The following SHANK2 variants were observed in gnomAD, a reference collection of about 807,000 sequenced individuals.
SHANK2 encodes SH3 and multiple ankyrin repeat domains 2.
A neutral mutation model predicts 133.7 loss-of-function variants in SHANK2; 43 were observed. The ratio of observed to expected loss-of-function variants is 0.32; its 90% confidence interval spans 0.25 to 0.41. The LOEUF (loss-of-function observed/expected upper bound fraction) is 0.41. Among genes scored for constraint, SHANK2 ranks in the 10% least tolerant of loss-of-function variants. SHANK2 has a pLI of 1.00. For missense variants in SHANK2, 1,994 were observed against 2,235.8 expected, an observed-to-expected ratio of 0.89 and a Z score of 2.18; for synonymous variants, 1,017 against 952.8, an observed-to-expected ratio of 1.07 and a Z score of -1.24.
At chr11:70,737,047 C>T (rs1451146659) in intron 14 of SHANK2, among the ~76,000 whole-genome samples, 3 of 152,124 alleles carry the variant, frequency 2.0e-5, no homozygotes, top group East Asian at 1.9e-4. Flanking sequence ...CTCCTTCACC[C>T]GCGGCCAAAG....
intron 11 of SHANK2, among the ~76,000 whole-genome samples, chr11:70,870,029 C>T (rs1356671225): frequency 3.9e-5 from 6 of 152,124 alleles, no homozygotes; most frequent in African/African-American, 1.4e-4. Context: ...TGGGTCATTG[C>T]CTCCTTGCAG....
intron 17 of SHANK2, among the ~76,000 whole-genome samples, chr11:70,641,444 G>A (rs1384289921): frequency 1.3e-5 from 2 of 152,194 alleles, no homozygotes; most frequent in African/African-American, 4.8e-5. Flanking sequence ...TCCAGTACAA[G>A]GCATTGTGAG....
At chr11:70,595,536 G>A (rs1281248971) in intron 17 of SHANK2, among the ~76,000 whole-genome samples, 10 of 152,162 alleles carry the variant, frequency 6.6e-5, no homozygotes, top group African/African-American at 2.4e-4. Flanking sequence ...AGGCGACGGT[G>A]AACTGTGGCC....
At chr11:70,720,203 A>G (rs1946045674) in intron 14 of SHANK2, among the ~76,000 whole-genome samples, 1 of 152,176 alleles carries the variant, frequency 6.6e-6, no homozygotes, top group South Asian at 2.1e-4. Flanking sequence ...AACACCGACT[A>G]CCTGCACACA....
chr11:70,713,248 T>C (rs1190368934), intron 14 of SHANK2, among the ~76,000 whole-genome samples: 1 of 152,174 alleles, frequency 6.6e-6, no homozygotes, highest in Admixed American at 6.5e-5. Context: ...CATCCTCCAA[T>C]AAACAGAAAT....
intron 3 of SHANK2, among the ~76,000 whole-genome samples, chr11:71,138,926 G>C (rs1952500041): frequency 6.6e-6 from 1 of 152,174 alleles, no homozygotes; most frequent in Middle Eastern, 3.2e-3. Flanking sequence ...CAGCGGGAAT[G>C]AGAGGGCAGG....
intron 17 of SHANK2, among the ~76,000 whole-genome samples, chr11:70,601,797 A>G (rs1385680571): frequency 6.6e-6 from 1 of 152,232 alleles, no homozygotes; most frequent in Non-Finnish European, 1.5e-5. Flanking sequence ...GTCCATTAGT[A>G]ATCAGGAAAC....
intron 11 of SHANK2, among the ~76,000 whole-genome samples, chr11:70,860,948 C>T (rs1033727675): frequency 7.2e-5 from 11 of 152,140 alleles, no homozygotes; most frequent in Non-Finnish European, 1.2e-4. Flanking sequence ...CTGCAGGAGC[C>T]GCGTGCATCT....
chr11:70,777,683 C>A (rs1350546143), intron 14 of SHANK2, among the ~76,000 whole-genome samples: 1 of 152,246 alleles, frequency 6.6e-6, no homozygotes, highest in Non-Finnish European at 1.5e-5. Flanking sequence ...ATTGACCCCA[C>A]AAACAGGCGT....
chr11:70,928,665 AG>A (rs1256114661), intron 10 of SHANK2, among the ~76,000 whole-genome samples: 3 of 152,048 alleles, frequency 2.0e-5, no homozygotes, highest in Non-Finnish European at 4.4e-5. Flanking sequence ...AGGAAGAACC[AG>A]CCCCTCCAAT....
chr11:70,784,697 G>C (rs12294881), intron 14 of SHANK2, among the ~76,000 whole-genome samples: 1 of 152,182 alleles, frequency 6.6e-6, no homozygotes, highest in African/African-American at 2.4e-5. Flanking sequence ...CATGGGCTGA[G>C]CTCTGTCTGC....
At chr11:70,672,066 CTT>C (rs1323179481) in intron 15 of SHANK2, among the ~76,000 whole-genome samples, 26 of 54,566 alleles carry the variant, frequency 4.8e-4, no homozygotes, top group African/African-American at 7.9e-4. Flanking sequence ...TTTTCTTTTT[CTT>C]TTTTTTTTTT....
intron 6 of SHANK2, 30 bp from the exon 7 acceptor site, chr11:71,094,718 A>G (rs1400644026): frequency 1.9e-6 from 3 of 1,544,996 alleles, no homozygotes; most frequent in Non-Finnish European, 2.6e-6. Context: ...ACACTTTAGA[A>G]CCAACATTTG....
chr11:71,105,598 A>C (rs1248307382), intron 6 of SHANK2, among the ~76,000 whole-genome samples: 1 of 150,838 alleles, frequency 6.6e-6, no homozygotes, highest in Non-Finnish European at 1.5e-5. Flanking sequence ...TCTAAAAAAA[A>C]AAAAAAAAAA....
chr11:71,134,066 T>C (rs760742560), intron 3 of SHANK2, among the ~76,000 whole-genome samples: 22 of 151,830 alleles, frequency 1.4e-4, no homozygotes, highest in Non-Finnish European at 2.1e-4. Context: ...TTTACCTTTC[T>C]CGGTGGACTG....
chr11:70,901,445 G>A (rs959470343), intron 10 of SHANK2, among the ~76,000 whole-genome samples: 3 of 152,202 alleles, frequency 2.0e-5, no homozygotes, highest in Admixed American at 6.5e-5. Flanking sequence ...CTGTAAGAAC[G>A]GACGCTGCTT....
intron 17 of SHANK2, among the ~76,000 whole-genome samples, chr11:70,637,877 G>A (rs574761897): frequency 6.6e-6 from 1 of 152,336 alleles, no homozygotes; most frequent in Non-Finnish European, 1.5e-5. Context: ...CGGGGCTGGA[G>A]CCCTGTTTGG....
At chr11:70,713,123 C>T (rs546834524) in intron 14 of SHANK2, among the ~76,000 whole-genome samples, 11 of 152,334 alleles carry the variant, frequency 7.2e-5, no homozygotes, top group Admixed American at 1.3e-4. Context: ...GGCACCAGCC[C>T]TGTCGGGCAC....
intron 1 of SHANK2, among the ~76,000 whole-genome samples, chr11:71,247,563 G>A (rs2919719): frequency 0.098 from 14,876 of 151,244 alleles, 2,056 homozygotes; most frequent in African/African-American, 0.31. Flanking sequence ...GGCCATGGCA[G>A]AGCTGCAGTG....
Sources: gnomAD v4.1 joint callset for allele counts (sites outside exome capture counted in the v4.1 genomes callset) on GRCh38, gnomAD v4.1.1 for gene constraint, MANE v1.5 for transcripts, NCBI Gene and HGNC (gene_info 2026-07-23, HGNC 2026-07-21) for gene names.